SH3BP5: variants seen among roughly 807,000 people sequenced by gnomAD.
The protein encoded by SH3BP5 is SH3 domain binding protein 5.
In SH3BP5, 22 loss-of-function variants were observed where a neutral mutation model predicts 43.3. That is an observed-to-expected ratio of 0.51 (90% confidence interval 0.36 to 0.73). SH3BP5 has a LOEUF of 0.73. Ranked by LOEUF, SH3BP5 falls within the 30% of genes least tolerant of loss-of-function variation. The pLI is 0.00. For missense variants in SH3BP5, 529 were observed against 586.9 expected (o/e 0.90, Z 1.02); for synonymous variants, 255 against 225.8 (o/e 1.13, Z -1.16).
At chr3:15,332,598 G>A (rs1366854533), upstream of SH3BP5, 8 of 1,197,484 alleles carry the variant, frequency 6.7e-6, no homozygotes, top group Middle Eastern at 3.3e-4. Context: ...AAATGGGCGC[G>A]GCCGCCCCCT....
At chr3:15,326,497 G>A (rs1013013692) in intron 2 of SH3BP5, among the ~76,000 whole-genome samples, 2 of 152,214 alleles carry the variant, frequency 1.3e-5, no homozygotes, top group South Asian at 2.1e-4. Flanking sequence ...CAATGGGAAA[G>A]GAAATGTGGA....
upstream of SH3BP5, among the ~76,000 whole-genome samples, chr3:15,334,402 G>A (rs1559464523): frequency 6.6e-6 from 1 of 151,756 alleles, no homozygotes. Context: ...ATATTTGGGG[G>A]AAAAAAACAC....
chr3:15,272,083 C>T (rs1696817389), intron 3 of SH3BP5, among the ~76,000 whole-genome samples: 1 of 152,132 alleles, frequency 6.6e-6, no homozygotes. Context: ...CTTCCCCAAG[C>T]AATTCTTGCA....
intron 2 of SH3BP5, among the ~76,000 whole-genome samples, chr3:15,323,886 C>G (rs1698395892): frequency 6.6e-6 from 1 of 152,214 alleles, no homozygotes; most frequent in African/African-American, 2.4e-5. Context: ...TGTCCTATAG[C>G]TAAGTCACTC....
intron 3 of SH3BP5, among the ~76,000 whole-genome samples, chr3:15,287,547 C>T (rs766520235): frequency 1.1e-4 from 16 of 152,016 alleles, no homozygotes; most frequent in Non-Finnish European, 2.2e-4. Context: ...CCAGCCTCCA[C>T]GTGTGGCTAC....
chr3:15,272,253 C>A (rs1696822850), intron 3 of SH3BP5, among the ~76,000 whole-genome samples: 1 of 152,172 alleles, frequency 6.6e-6, no homozygotes. Context: ...CATACCAGAC[C>A]CAGACCCAGC....
chr3:15,333,295 G>A, upstream of SH3BP5: 1 of 984,684 alleles, frequency 1.0e-6, no homozygotes, highest in Non-Finnish European at 1.2e-6. Flanking sequence ...GTGCTTTTAT[G>A]AAATGTCAGG....
intron 3 of SH3BP5, among the ~76,000 whole-genome samples, chr3:15,293,213 G>A (rs1033433812): frequency 3.3e-5 from 5 of 152,320 alleles, no homozygotes; most frequent in African/African-American, 9.6e-5. Context: ...ATTCCACTAC[G>A]TGCCCTTACT....
At chr3:15,281,191 A>G (rs542473992) in intron 3 of SH3BP5, among the ~76,000 whole-genome samples, 1 of 152,270 alleles carries the variant, frequency 6.6e-6, no homozygotes, top group East Asian at 1.9e-4. Context: ...AGCTATAGCT[A>G]ATTTTTGTAT....
chr3:15,272,838 A>AAG (rs1696855544), intron 3 of SH3BP5, among the ~76,000 whole-genome samples: 1 of 152,198 alleles, frequency 6.6e-6, no homozygotes, highest in Non-Finnish European at 1.5e-5. Flanking sequence ...CTGTGGACTC[A>AAG]CCATGTGGCC....
intron 3 of SH3BP5, among the ~76,000 whole-genome samples, chr3:15,287,296 T>C (rs1697291940): frequency 6.6e-6 from 1 of 152,230 alleles, no homozygotes; most frequent in Admixed American, 6.5e-5. Flanking sequence ...CATGAAGTTA[T>C]AATTTATGCA....
upstream of SH3BP5, among the ~76,000 whole-genome samples, chr3:15,332,917 G>A (rs990336136): frequency 1.8e-4 from 28 of 152,222 alleles, no homozygotes; most frequent in African/African-American, 6.3e-4. Flanking sequence ...CCTACGCTCA[G>A]TGACCCTGGC....
At chr3:15,259,557 A>G (rs1696354511) in intron 6 of SH3BP5, 1 of 663,614 alleles carries the variant, frequency 1.5e-6, no homozygotes, top group Non-Finnish European at 2.7e-6. Context: ...TACAACAGAG[A>G]AGGTGACTGA....
rs1413415920 is a variant in SH3BP5 at position 15,256,184 on chromosome 3, C to A, written c.1270G>T (p.Gly424Cys). The change falls in exon 9 of 9, where the codon GGC becomes TGC. Residue 424 changes from glycine (G) to cysteine (C), a missense_variant. Gly to Cys is a radical substitution (Grantham distance 159). Around this residue, in one of 3 missense-constraint regions of SH3BP5, gnomAD observed 369 missense variants for 384.3 expected, o/e 0.96. Transcript: ENST00000383791. ...SKSQSSTSPE[G>C]QALENRMKQL... is the part of the protein sequence containing the mutation. ...TTCATCCGGTTCTCCAAGGCCTGGCCCTCAGGGGAGGTGCTGCTTTGGCTC... is the reference window on the plus strand; with the variant it reads ...TTCATCCGGTTCTCCAAGGCCTGGCACTCAGGGGAGGTGCTGCTTTGGCTC... 6.2e-7 allele frequency: 1 copy of A among 1,614,148 alleles called. No individual in the cohort carries two copies. The highest frequency in any genetic ancestry group is 1.3e-5 in the African/African-American group (1 of 75,030).
rs140524163 is a variant in SH3BP5 at position 15,327,800 on chromosome 3, T to C, written c.201+2704A>G. On this transcript the variant is annotated intron_variant, in intron 2 of 8. Coordinates refer to ENST00000383791, the MANE Select transcript of SH3BP5 (RefSeq NM_004844.5). ...TGACAGAAAACACCTATTAAACCTATGCCTCCCAGTGCCAAATGTAGCTAA... is the reference window on the plus strand; with the variant it reads ...TGACAGAAAACACCTATTAAACCTACGCCTCCCAGTGCCAAATGTAGCTAA... Among the ~76,000 whole-genome samples, 503 of 152,330 alleles carry C rather than the reference T, an allele frequency of 3.3e-3. 4 individuals carry two copies. The highest frequency in any genetic ancestry group is 0.012 in the African/African-American group (483 of 41,558).
chr3:15,270,930 A>G (rs1055480541), intron 3 of SH3BP5, among the ~76,000 whole-genome samples: 107 of 151,600 alleles, frequency 7.1e-4, no homozygotes, highest in African/African-American at 2.5e-3. Context: ...CATCTCAAAA[A>G]AAAAAAAAAA....
intron 4 of SH3BP5, among the ~76,000 whole-genome samples, chr3:15,265,617 A>G (rs946574429): frequency 1.3e-5 from 2 of 151,118 alleles, no homozygotes; most frequent in African/African-American, 4.9e-5. Context: ...CTTGAGGAAG[A>G]AGGTCACTAA....
At position 15,255,989 on chromosome 3, in the gene SH3BP5, G is replaced by C. The variant is rs543535910; in HGVS notation, c.*97C>G. The stretch of plus-strand genomic sequence containing the variant: ...TTCATTAGAGCAGTTTAGAGTAGAC[G>C]TGTAAGATTTGGCATATATTAAATG... On this transcript the variant is annotated 3_prime_UTR_variant, in exon 9 of 9. Transcript: ENST00000383791. The C allele has an allele frequency of 6.1e-6, 6 of 988,098 alleles. No individual in the cohort carries two copies. The highest frequency in any genetic ancestry group is 6.2e-6 in the Non-Finnish European group (4 of 643,426). 61.2% of individuals were successfully genotyped at this position (988,098 alleles called of 1,614,324 possible).
At chr3:15,290,387 A>C (rs9819005) in intron 3 of SH3BP5, among the ~76,000 whole-genome samples, 6,463 of 151,782 alleles carry the variant, frequency 0.043, 480 homozygotes, top group African/African-American at 0.15. Context: ...TTAGCTGGGC[A>C]TGGTGGCTCA....
Sources: gnomAD v4.1 joint callset for allele counts (sites outside exome capture counted in the v4.1 genomes callset) on GRCh38, gnomAD v4.1.1 for gene constraint, gnomAD v4.1.1 regional missense constraint, MANE v1.5 for transcripts, NCBI Gene and HGNC (gene_info 2026-07-23, HGNC 2026-07-21) for gene names.